Variants in ZRANB3 observed in about 807,000 individuals in gnomAD.
ZRANB3 encodes DNA annealing helicase and endonuclease ZRANB3.
ZRANB3 carries 125 observed loss-of-function variants against 133.8 expected under a neutral mutation model. The observed-to-expected ratio is 0.93, with a 90% confidence interval of 0.81 to 1.08. ZRANB3 has a LOEUF of 1.08. ZRANB3 is among the 50% of genes least tolerant of loss of function. The probability of loss-of-function intolerance (pLI) is 0.00; values close to 1 mark genes in which losing one functional copy is unlikely to be tolerated. For missense variants in ZRANB3, 1,229 were observed against 1,275.5 expected, an observed-to-expected ratio of 0.96 and a Z score of 0.56; for synonymous variants, 387 against 432.7, an observed-to-expected ratio of 0.89 and a Z score of 1.31.
At chr2:135,415,678 C>G (rs1213762501) in intron 2 of ZRANB3, among the ~76,000 whole-genome samples, 1 of 152,192 alleles carries the variant, frequency 6.6e-6, no homozygotes, top group African/African-American at 2.4e-5. Flanking sequence ...AGACCAATAT[C>G]CTTGATGAAC....
chr2:135,476,960 A>C (rs913885552), intron 2 of ZRANB3, among the ~76,000 whole-genome samples: 1 of 152,130 alleles, frequency 6.6e-6, no homozygotes, highest in Non-Finnish European at 1.5e-5. Context: ...GGCTCAAGCT[A>C]TCCTCCAACC....
At position 135,339,567 on chromosome 2, in the gene ZRANB3, G is replaced by C. The variant is rs112133306; in HGVS notation, c.677+5983C>G. Among the ~76,000 whole-genome samples, 451 of 152,246 alleles carry C rather than the reference G, an allele frequency of 3.0e-3. 3 individuals are homozygous for C. Among genetic ancestry groups the C allele is most frequent in the African/African-American group, 0.01 (420 of 41,538 alleles). On this transcript the variant is annotated intron_variant, in intron 6 of 20. Transcript: ENST00000264159. ...ACTGCACTCCAACCTGGGTGACAAA[G>C]CAAGACCCTGTCTCAAAAAAAACCC...
intron 16 of ZRANB3, among the ~76,000 whole-genome samples, chr2:135,217,836 G>T (rs1047070228): frequency 6.6e-6 from 1 of 151,930 alleles, no homozygotes; most frequent in African/African-American, 2.4e-5. Flanking sequence ...TTTTGATAGG[G>T]TCTTGCTCTG....
chr2:135,292,929 G>T (rs1681836262), intron 8 of ZRANB3, among the ~76,000 whole-genome samples: 1 of 151,724 alleles, frequency 6.6e-6, no homozygotes, highest in South Asian at 2.1e-4. Context: ...ATTTCTGAGG[G>T]CTCTGTTCTG....
chr2:135,450,261 T>C (rs1690207763), intron 2 of ZRANB3, among the ~76,000 whole-genome samples: 1 of 142,174 alleles, frequency 7.0e-6, no homozygotes, highest in Non-Finnish European at 1.5e-5. Flanking sequence ...GCACTCCGTC[T>C]CAAAAAAAAT....
intron 2 of ZRANB3, among the ~76,000 whole-genome samples, chr2:135,460,522 C>T (rs1048904952): frequency 6.6e-6 from 1 of 152,122 alleles, no homozygotes; most frequent in South Asian, 2.1e-4. Context: ...CTCCTTCAGC[C>T]TCCTAAAGTG....
chr2:135,447,184 G>A (rs907927441), intron 2 of ZRANB3, among the ~76,000 whole-genome samples: 1 of 151,988 alleles, frequency 6.6e-6, no homozygotes, highest in Non-Finnish European at 1.5e-5. Context: ...AGGATTACAG[G>A]CGCGCCACCA....
intron 2 of ZRANB3, among the ~76,000 whole-genome samples, chr2:135,467,244 G>A (rs554067639): frequency 1.3e-5 from 2 of 152,222 alleles, no homozygotes; most frequent in East Asian, 3.9e-4. Context: ...GTACCAGGGA[G>A]TCACAACTTT....
chr2:135,338,569 C>A (rs1344745733), intron 6 of ZRANB3, among the ~76,000 whole-genome samples: 1 of 152,182 alleles, frequency 6.6e-6, no homozygotes, highest in African/African-American at 2.4e-5. Context: ...AAAATCAGTG[C>A]GTGTGTTTTA....
chr2:135,255,674 C>A, intron 12 of ZRANB3, among the ~76,000 whole-genome samples: 1 of 152,022 alleles, frequency 6.6e-6, no homozygotes, highest in Non-Finnish European at 1.5e-5. Context: ...CATAAGGAGA[C>A]CCCCATCTCT....
At chr2:135,224,784 A>G (rs1302091323) in intron 14 of ZRANB3, among the ~76,000 whole-genome samples, 2 of 152,212 alleles carry the variant, frequency 1.3e-5, no homozygotes, top group Non-Finnish European at 2.9e-5. Context: ...AAAAAATACA[A>G]GTTGGTAGGC....
chr2:135,223,321 G>GA (rs997547031), intron 15 of ZRANB3, among the ~76,000 whole-genome samples: 29 of 151,358 alleles, frequency 1.9e-4, no homozygotes, highest in Admixed American at 4.6e-4. Flanking sequence ...GTGAATAAAT[G>GA]AAAAAAACAT....
At chr2:135,446,514 C>T (rs754169323) in intron 2 of ZRANB3, among the ~76,000 whole-genome samples, 2 of 152,074 alleles carry the variant, frequency 1.3e-5, no homozygotes, top group African/African-American at 2.4e-5. Flanking sequence ...CCAGCCAGAG[C>T]ATGGATTTAA....
intron 5 of ZRANB3, among the ~76,000 whole-genome samples, chr2:135,347,351 G>A (rs1454196577): frequency 6.8e-6 from 1 of 147,004 alleles, no homozygotes; most frequent in East Asian, 2.0e-4. Flanking sequence ...GGAGTGCAGT[G>A]GTGCGATCTC....
intron 5 of ZRANB3, among the ~76,000 whole-genome samples, chr2:135,348,080 A>G (rs1398641592): frequency 1.3e-5 from 2 of 151,838 alleles, no homozygotes; most frequent in Non-Finnish European, 2.9e-5. Flanking sequence ...CCAACATGGT[A>G]AAATCCCGTC....
chr2:135,449,784 G>T (rs1013784271), intron 2 of ZRANB3, among the ~76,000 whole-genome samples: 1 of 151,876 alleles, frequency 6.6e-6, no homozygotes, highest in Non-Finnish European at 1.5e-5. Context: ...TTGAGGCAGG[G>T]TCTCTCTCTA....
At chr2:135,501,017 T>G (rs1692918261) in intron 2 of ZRANB3, among the ~76,000 whole-genome samples, 1 of 151,906 alleles carries the variant, frequency 6.6e-6, no homozygotes, top group African/African-American at 2.4e-5. Flanking sequence ...TTTCCTAGAA[T>G]CAACAGACAC....
intron 2 of ZRANB3, among the ~76,000 whole-genome samples, chr2:135,501,615 C>T (rs1247154975): frequency 6.6e-6 from 1 of 152,108 alleles, no homozygotes; most frequent in Non-Finnish European, 1.5e-5. Flanking sequence ...AAGGCTCGTG[C>T]ATTACTTTCA....
chr2:135,276,165 C>G (rs566407510), intron 8 of ZRANB3, among the ~76,000 whole-genome samples: 7 of 147,920 alleles, frequency 4.7e-5, no homozygotes, highest in Non-Finnish European at 1.0e-4. Context: ...AGATGAAGAG[C>G]ATTTTTTTTT....
Sources: gnomAD v4.1 joint callset for allele counts (sites outside exome capture counted in the v4.1 genomes callset) on GRCh38, gnomAD v4.1.1 for gene constraint, MANE v1.5 for transcripts, NCBI Gene and HGNC (gene_info 2026-07-23, HGNC 2026-07-21) for gene names.